Variants in EPB41L2 observed in about 807,000 individuals in gnomAD.
EPB41L2 encodes band 4.1-like protein 2.
A neutral mutation model predicts 113.0 loss-of-function variants in EPB41L2; 43 were observed. The ratio of observed to expected loss-of-function variants is 0.38; its 90% CI spans 0.30 to 0.49. EPB41L2 has a LOEUF of 0.49. Among genes scored for constraint, EPB41L2 ranks in the 20% least tolerant of loss-of-function variants. The pLI, the probability that EPB41L2 is intolerant of heterozygous loss-of-function variation, is 0.95. For missense variants in EPB41L2, 1,147 were observed against 1,223.4 expected, an observed-to-expected ratio of 0.94 and a Z score of 0.93; for synonymous variants, 442 against 436.7, an observed-to-expected ratio of 1.01 and a Z score of -0.15.
chr6:130,956,687 T>C (rs1456232403), intron 1 of EPB41L2, among the ~76,000 whole-genome samples, 188 bp from the exon 2 acceptor site: 2 of 152,206 alleles, frequency 1.3e-5, no homozygotes, highest in East Asian at 1.9e-4. Context: ...TAGAATTCTC[T>C]ATCAGCATCA....
chr6:131,033,126 G>A lies in EPB41L2; in HGVS notation c.-15+30029C>T, dbSNP rs575704614. On this transcript the variant is annotated intron_variant, in intron 1 of 19. Transcript: ENST00000337057. ...CCTGACCTCGTGATTCATCTGCCTC[G>A]GCCTCCCAAAGTGCTAGGATTACAT... Among the ~76,000 whole-genome samples the A allele has an allele frequency of 6.6e-5, 10 of 152,178 alleles. No homozygotes were observed. In the East Asian group the frequency reaches 1.7e-3, roughly 26 times the overall value.
At chr6:130,967,473 G>A (rs1209486255) in intron 1 of EPB41L2, among the ~76,000 whole-genome samples, 1 of 151,902 alleles carries the variant, frequency 6.6e-6, no homozygotes, top group Non-Finnish European at 1.5e-5. Context: ...TGCAGGCAGC[G>A]TAAAAAGATT....
At chr6:131,040,563 T>C (rs1441239855) in intron 1 of EPB41L2, among the ~76,000 whole-genome samples, 1 of 152,200 alleles carries the variant, frequency 6.6e-6, no homozygotes, top group Non-Finnish European at 1.5e-5. Flanking sequence ...AAATCACCAA[T>C]GGATACTAAC....
chr6:131,038,769 C>T (rs1299445079), intron 1 of EPB41L2, among the ~76,000 whole-genome samples: 1 of 152,044 alleles, frequency 6.6e-6, no homozygotes, highest in East Asian at 1.9e-4. Context: ...TGTACTGCTG[C>T]CCAACATTCA....
chr6:130,929,898 TACAC>T lies in EPB41L2; in HGVS notation c.706-3193_706-3190del, dbSNP rs1419233533. Among the ~76,000 whole-genome samples the T allele has an allele frequency of 7.1e-4, 76 of 107,230 alleles. 1 individual carries two copies. The highest frequency in any genetic ancestry group is 2.5e-3 in the African/African-American group (70 of 27,582). The allele number at this position is 107,230 out of a possible 152,430, so 70.3% of individuals were successfully genotyped here. On this transcript the variant is annotated intron_variant, in intron 3 of 19. Coordinates refer to ENST00000337057, the MANE Select transcript of EPB41L2 (RefSeq NM_001431.4). ...ACACACACACACACACACACACACA[TACAC>T]GCACAGTCATAAAGTGGTATAAACA...
Position 130,869,726 on chromosome 6 carries a change from T to C in EPB41L2, c.2444A>G (p.Gln815Arg), listed in dbSNP as rs531695190. Reference sequence around the variant, plus strand: ...TATCTTTTGGGCACCTACATTTTCCTGGATCACTGTTTCTACTGTGATTAC... The same window carrying C: ...TATCTTTTGGGCACCTACATTTTCCCGGATCACTGTTTCTACTGTGATTAC... ...ASVITVETVI[Q>R]ENVGAQKIPG... Residue 815 changes from glutamine to arginine, a missense_variant, in exon 15 of 20, where the codon CAG becomes CGG. Physicochemically the swap from Gln to Arg is conservative, Grantham distance 43. Coordinates refer to ENST00000337057, the MANE Select transcript of EPB41L2 (RefSeq NM_001431.4). 4 of 1,614,212 alleles carry C rather than the reference T, an allele frequency of 2.5e-6. No individual in the cohort carries two copies. In the East Asian group the frequency reaches 8.9e-5, roughly 36 times the overall value.
chr6:130,983,864 C>T (rs918252128), intron 1 of EPB41L2, among the ~76,000 whole-genome samples: 13 of 152,040 alleles, frequency 8.6e-5, no homozygotes, highest in Non-Finnish European at 1.6e-4. Context: ...ACACTTAGGC[C>T]ACATAAATTT....
chr6:130,886,625 T>C (rs192558452), intron 11 of EPB41L2, among the ~76,000 whole-genome samples: 1 of 120,846 alleles, frequency 8.3e-6, no homozygotes, highest in Admixed American at 8.4e-5. Context: ...GCGGTTTTTG[T>C]TGTTGTTGTT....
At chr6:131,056,418 T>C (rs902593796) in intron 1 of EPB41L2, among the ~76,000 whole-genome samples, 1 of 152,218 alleles carries the variant, frequency 6.6e-6, no homozygotes, top group Non-Finnish European at 1.5e-5. Flanking sequence ...TGCTCTTTTG[T>C]AAATTAACAA....
At chr6:131,020,950 A>C (rs1035595219) in intron 1 of EPB41L2, among the ~76,000 whole-genome samples, 2 of 151,806 alleles carry the variant, frequency 1.3e-5, no homozygotes, top group African/African-American at 4.8e-5. Flanking sequence ...CCACCCCACC[A>C]GGCTAATTTT....
chr6:131,054,128 C>A (rs1191709238), intron 1 of EPB41L2, among the ~76,000 whole-genome samples: 2 of 152,226 alleles, frequency 1.3e-5, no homozygotes, highest in Non-Finnish European at 2.9e-5. Context: ...ATTAGGGGAA[C>A]AAGGCCTGTA....
intron 4 of EPB41L2, among the ~76,000 whole-genome samples, chr6:130,919,242 G>A (rs566798409): frequency 3.9e-5 from 6 of 152,192 alleles, no homozygotes; most frequent in South Asian, 2.1e-4. Context: ...AAACTACCAC[G>A]TATAATAAGG....
rs760962588 is a variant in EPB41L2 at position 130,865,559 on chromosome 6, T to G, written c.2806A>C (p.Thr936Pro). Residue 936 changes from threonine (T) to proline (P), a missense_variant, in exon 17 of 20, where the codon ACG becomes CCG. Thr to Pro is a conservative substitution (Grantham distance 38). Transcript: ENST00000337057. ...ACCTTGGTGATGTGTGTGGTTGTCGTTGTTGACACGGACTCAGATGTGATG... is the reference window on the plus strand; with the variant it reads ...ACCTTGGTGATGTGTGTGGTTGTCGGTGTTGACACGGACTCAGATGTGATG... ...QTITSESVST[T>P]TTTHITKTVK... The G allele has an allele frequency of 3.4e-5, 55 of 1,614,052 alleles. No homozygotes were observed. The highest frequency in any genetic ancestry group is 4.6e-5 in the Non-Finnish European group (54 of 1,180,036).
intron 1 of EPB41L2, among the ~76,000 whole-genome samples, chr6:131,012,301 GC>G (rs955088737): frequency 2.7e-5 from 4 of 150,820 alleles, no homozygotes; most frequent in African/African-American, 9.8e-5. Context: ...TTTAGCCTGG[GC>G]CCTGTGTTAG....
At chr6:130,956,573 G>T in intron 1 of EPB41L2, 74 bp from the exon 2 acceptor site, 2 of 1,332,736 alleles carry the variant, frequency 1.5e-6, no homozygotes, top group Non-Finnish European at 2.0e-6. Context: ...CGAGGGGCAT[G>T]GTAAGGAAAG....
intron 1 of EPB41L2, among the ~76,000 whole-genome samples, chr6:131,034,267 G>A (rs1007603952): frequency 1.3e-5 from 2 of 152,086 alleles, no homozygotes; most frequent in Admixed American, 6.6e-5. Flanking sequence ...CATATTGGGG[G>A]TTGGGGGGGA....
intron 1 of EPB41L2, among the ~76,000 whole-genome samples, chr6:130,960,326 TTC>T (rs1173099764): frequency 5.9e-5 from 9 of 152,364 alleles, no homozygotes; most frequent in South Asian, 2.1e-4. Flanking sequence ...ATTCAAAATA[TTC>T]TCTCTTAAAA....
At chr6:130,914,692 T>C (rs1800405644) in intron 4 of EPB41L2, among the ~76,000 whole-genome samples, 1 of 152,138 alleles carries the variant, frequency 6.6e-6, no homozygotes. Context: ...CATTAAGGTA[T>C]AAGCAACCAT....
intron 19 of EPB41L2, among the ~76,000 whole-genome samples, chr6:130,851,911 A>G (rs59946987): frequency 6.6e-6 from 1 of 151,864 alleles, no homozygotes; most frequent in African/African-American, 2.4e-5. Context: ...CTAGCCCTGG[A>G]TAACACAGCT....
Sources: gnomAD v4.1 joint callset for allele counts (sites outside exome capture counted in the v4.1 genomes callset) on GRCh38, gnomAD v4.1.1 for gene constraint, MANE v1.5 for transcripts, NCBI Gene and HGNC (gene_info 2026-07-23, HGNC 2026-07-21) for gene names.